FBXW8: variants seen among roughly 807,000 people sequenced by gnomAD.
FBXW8 encodes F-box and WD repeat domain containing 8, also known as F-box/WD repeat-containing protein 8.
Under a neutral mutation model 65.3 loss-of-function variants are expected in FBXW8, and 57 were observed. That is an observed-to-expected ratio of 0.87 (90% CI 0.71 to 1.09). FBXW8 has a LOEUF of 1.09. Among genes scored for constraint, FBXW8 ranks in the 50% least tolerant of loss-of-function variants. FBXW8 has a pLI of 0.00. For missense variants in FBXW8, 777 were observed against 814.8 expected, an observed-to-expected ratio of 0.95 and a Z score of 0.57; for synonymous variants, 308 against 330.2, an observed-to-expected ratio of 0.93 and a Z score of 0.73.
In FBXW8 at chr12:117,028,125, A is replaced by T. The variant is rs144038917; in HGVS notation, c.1750A>T (p.Thr584Ser). ...CCGTTCATCCTGTGACGCCATGGCC[A>T]CTCACTACTACGACCTCGCACTGGC... ...VCRSSCDAMA[T>S]HYYDLALAFP... The change falls in exon 11 of 11, where the codon ACT becomes TCT. Residue 584 changes from threonine (T) to serine (S), a missense_variant. By Grantham distance (58) the Thr-to-Ser change is moderately conservative. Coordinates refer to ENST00000652555, the MANE Select transcript of FBXW8 (RefSeq NM_153348.3). The surrounding 1 kb of genome is among the most constrained non-coding windows in gnomAD (Gnocchi z 4.1). 1,237 of 1,613,976 alleles carry T rather than the reference A, an allele frequency of 7.7e-4. No homozygotes were observed. The highest frequency in any genetic ancestry group is 1.6e-3 in the Middle Eastern group (10 of 6,084).
Position 116,928,142 on chromosome 12 carries a change from A to G in FBXW8, c.423+15A>G, listed in dbSNP as rs1303035150. 1 of 1,498,852 alleles carries G rather than the reference A, an allele frequency of 6.7e-7. No individual in the cohort carries two copies. The highest frequency in any genetic ancestry group is 1.2e-5 in the South Asian group (1 of 86,768). 92.8% of individuals were successfully genotyped at this position (1,498,852 alleles called of 1,614,324 possible). A position where few individuals can be genotyped will look rare whatever the true frequency, so the allele number is the denominator to read the frequency against. ...GATGTGCACAGGTAAGGTGTCACCA[A>G]CAGATGTTCCAGATTTTCCTAAATG... is the stretch of plus-strand genomic sequence containing the variant. On this transcript the variant is annotated intron_variant, in intron 2 of 10. Transcript: ENST00000652555.
intron 5 of FBXW8, among the ~76,000 whole-genome samples, chr12:116,973,476 A>G (rs762143159): frequency 9.9e-5 from 15 of 152,242 alleles, no homozygotes; most frequent in South Asian, 6.2e-4. Flanking sequence ...CACATTTAAC[A>G]TCATCAGTAA....
intron 9 of FBXW8, among the ~76,000 whole-genome samples, chr12:117,026,608 C>CCAACAGAACCTTT (rs112723313): frequency 6.6e-6 from 1 of 151,914 alleles, no homozygotes; most frequent in Non-Finnish European, 1.5e-5. Context: ...TGCACCCCTC[C>CCAACAGAACCTTT]CAGCCCACAG....
chr12:116,942,118 T>G (rs1882607165), intron 2 of FBXW8, among the ~76,000 whole-genome samples: 1 of 152,108 alleles, frequency 6.6e-6, no homozygotes, highest in African/African-American at 2.4e-5. Flanking sequence ...AGCCTTGAAC[T>G]ACTGGACTGA....
chr12:116,982,583 A>G (rs1312276957), intron 5 of FBXW8, among the ~76,000 whole-genome samples: 1 of 151,692 alleles, frequency 6.6e-6, no homozygotes, highest in Admixed American at 6.6e-5. Context: ...ACAGGCTTTC[A>G]GGAGAGAAAG....
At chr12:116,957,979 C>T (rs757639772) in intron 4 of FBXW8, among the ~76,000 whole-genome samples, 10 of 152,178 alleles carry the variant, frequency 6.6e-5, no homozygotes, top group Non-Finnish European at 1.5e-4. Flanking sequence ...TTATCCATCT[C>T]TGGTTCTCCG....
At chr12:116,972,824 G>A (rs559652971) in intron 5 of FBXW8, among the ~76,000 whole-genome samples, 10 of 152,340 alleles carry the variant, frequency 6.6e-5, no homozygotes, top group Admixed American at 3.9e-4. Context: ...ATGTATATAT[G>A]TTTATGTGTG....
rs1313276023 is a variant in FBXW8 at position 116,949,712 on chromosome 12, C to T, written c.677+6C>T. Reference sequence around the variant, plus strand: ...GATGGTGTGGTCATTGCGGGGTAAGCCAAACCGTTTCCACTGAGTGCTCTG... The same window carrying T: ...GATGGTGTGGTCATTGCGGGGTAAGTCAAACCGTTTCCACTGAGTGCTCTG... On this transcript the variant is annotated splice_donor_region_variant and intron_variant, in intron 4 of 10. Transcript: ENST00000652555. 2.5e-6 allele frequency: 4 copies of T among 1,613,768 alleles called. No homozygotes were observed. The highest frequency in any genetic ancestry group is 3.4e-6 in the Non-Finnish European group (4 of 1,179,784).
chr12:117,028,302 C>A lies in FBXW8; in HGVS notation c.*130C>A. ...AAGCAGCCCAGGGTGCCATGCCTGA[C>A]AGCACGCATCTCCCTGACCCCTGCA... On this transcript the variant is annotated 3_prime_UTR_variant, in exon 11 of 11. Transcript: ENST00000652555. The surrounding 1 kb of genome is among the most constrained non-coding windows in gnomAD (Gnocchi z 4.1). 1 of 1,116,326 alleles carries A rather than the reference C, an allele frequency of 9.0e-7. No individual in the cohort carries two copies. The highest frequency in any genetic ancestry group is 1.3e-6 in the Non-Finnish European group (1 of 786,548). The allele number at this position is 1,116,326 out of a possible 1,614,324, so 69.2% of individuals were successfully genotyped here. A position where few individuals can be genotyped will look rare whatever the true frequency, so the allele number is the denominator to read the frequency against.
At chr12:116,952,079 T>C (rs1883321483) in intron 4 of FBXW8, among the ~76,000 whole-genome samples, 1 of 152,250 alleles carries the variant, frequency 6.6e-6, no homozygotes, top group South Asian at 2.1e-4. Context: ...ACTTTTCAAG[T>C]GTACCTTTGT....
rs1026687271 is a variant in FBXW8 at position 117,027,418 on chromosome 12, C to G, written c.1566C>G (p.Phe522Leu). The G allele has an allele frequency of 6.2e-7, 1 of 1,614,110 alleles. No homozygotes were observed. Among genetic ancestry groups the G allele is most frequent in the East Asian group, 2.2e-5 (1 of 44,880 alleles). ...YSGHPVQHIS[F>L]SSHSLITANV... is the part of the protein sequence containing the mutation. ...GGCACCCGGTGCAGCACATCTCATT[C>G]AGCAGCCACAGCCTCATCACGGCCA... The change falls in exon 10 of 11, where the codon TTC (phenylalanine) becomes TTG (leucine). Residue 522 changes from phenylalanine to leucine, a missense_variant. Phe to Leu is a conservative substitution (Grantham distance 22, BLOSUM62 0). Transcript: ENST00000652555.
At chr12:117,019,469 C>T (rs1007044976) in intron 8 of FBXW8, among the ~76,000 whole-genome samples, 6 of 152,144 alleles carry the variant, frequency 3.9e-5, no homozygotes, top group Non-Finnish European at 4.4e-5. Flanking sequence ...ACCTGTTTCC[C>T]AGCGTTGAGT....
At chr12:116,993,549 T>C (rs112119154) in intron 7 of FBXW8, among the ~76,000 whole-genome samples, 4 of 152,248 alleles carry the variant, frequency 2.6e-5, no homozygotes, top group African/African-American at 9.6e-5. Flanking sequence ...TTGAGAAATA[T>C]CTGTTCATGT....
At chr12:116,982,277 A>G (rs1205445106) in intron 5 of FBXW8, among the ~76,000 whole-genome samples, 1 of 152,220 alleles carries the variant, frequency 6.6e-6, no homozygotes, top group Non-Finnish European at 1.5e-5. Flanking sequence ...CTTTAAACAT[A>G]TAAAGACACA....
intron 7 of FBXW8, among the ~76,000 whole-genome samples, chr12:117,004,216 T>C (rs933689069): frequency 2.0e-5 from 3 of 152,222 alleles, no homozygotes; most frequent in South Asian, 2.1e-4. Context: ...AGAAATTCTC[T>C]GCTTTATTTT....
intron 7 of FBXW8, among the ~76,000 whole-genome samples, chr12:116,998,662 A>G (rs1379635534): frequency 6.6e-6 from 1 of 152,228 alleles, no homozygotes; most frequent in African/African-American, 2.4e-5. Flanking sequence ...GTTAAAAATC[A>G]GCTCGTTCTC....
At chr12:116,954,198 C>T (rs1026921993) in intron 4 of FBXW8, among the ~76,000 whole-genome samples, 3 of 151,728 alleles carry the variant, frequency 2.0e-5, no homozygotes, top group Non-Finnish European at 4.4e-5. Context: ...AAGAGAAAGC[C>T]ACTCAAATTC....
chr12:116,982,920 G>C (rs1392726176), intron 5 of FBXW8, among the ~76,000 whole-genome samples: 1 of 152,118 alleles, frequency 6.6e-6, no homozygotes, highest in Non-Finnish European at 1.5e-5. Context: ...CGCTCATCCT[G>C]CACTTTTCCA....
chr12:117,019,337 G>A (rs879739518), intron 8 of FBXW8, among the ~76,000 whole-genome samples: 1 of 152,198 alleles, frequency 6.6e-6, no homozygotes, highest in Admixed American at 6.5e-5. Context: ...AAGGTTCAGT[G>A]GCCAGTCCGA....
Sources: gnomAD v4.1 joint callset for allele counts (sites outside exome capture counted in the v4.1 genomes callset) on GRCh38, gnomAD v4.1.1 for gene constraint, Gnocchi (gnomAD v3.1) non-coding constraint, MANE v1.5 for transcripts, NCBI Gene and HGNC (gene_info 2026-07-23, HGNC 2026-07-21) for gene names.